The following CAMK2D variants were observed in gnomAD, a reference collection of about 807,000 sequenced individuals.
CAMK2D encodes calcium/calmodulin-dependent protein kinase type II subunit delta.
A neutral mutation model predicts 84.0 loss-of-function variants in CAMK2D; 37 were observed. The observed-to-expected ratio is 0.44, with a 90% confidence interval of 0.34 to 0.58. The LOEUF (loss-of-function observed/expected upper bound fraction) is 0.58, where lower values mean the gene tolerates loss of function less well. Among genes scored for constraint, CAMK2D ranks in the 20% least tolerant of loss-of-function variants. The pLI is 0.02. For synonymous variants in CAMK2D, 202 were observed against 212.5 expected (o/e 0.95, Z 0.43); for missense variants, 448 against 652.5 (o/e 0.69, Z 3.41).
chr4:113,560,921 G>A (rs763619305), intron 4 of CAMK2D, among the ~76,000 whole-genome samples: 21 of 152,188 alleles, frequency 1.4e-4, no homozygotes, highest in Non-Finnish European at 2.8e-4. Flanking sequence ...TAAGGGAAAA[G>A]AGAGGAGAGA....
At chr4:113,547,571 T>C in intron 6 of CAMK2D, 73 bp downstream of exon 6, 1 of 976,818 alleles carries the variant, frequency 1.0e-6, no homozygotes, top group South Asian at 1.7e-5. Context: ...TTTTTGCCTT[T>C]ACAGGCATAA....
chr4:113,499,389 T>C (rs1224044523), intron 16 of CAMK2D, among the ~76,000 whole-genome samples: 1 of 152,182 alleles, frequency 6.6e-6, no homozygotes, highest in Non-Finnish European at 1.5e-5. Context: ...GCATCAGCTG[T>C]TCTATTCAAA....
At chr4:113,661,631 T>A in intron 3 of CAMK2D, 82 bp downstream of exon 3, 3 of 621,938 alleles carry the variant, frequency 4.8e-6, no homozygotes, top group Non-Finnish European at 8.2e-6. Flanking sequence ...ATATTCTAGA[T>A]TATAAAATTA....
chr4:113,677,018 G>C (rs750955290), intron 2 of CAMK2D, among the ~76,000 whole-genome samples: 1 of 152,166 alleles, frequency 6.6e-6, no homozygotes, highest in African/African-American at 2.4e-5. Flanking sequence ...TAAAGGCGAA[G>C]AGCTAAAATT....
rs866308189 is a variant in CAMK2D at position 113,754,901 on chromosome 4, T to C, written c.160+4419A>G. The C allele has an allele frequency of 4.1e-6, 4 of 982,116 alleles. No homozygotes were observed. The African/African-American group carries it at 7.0e-5, about 17-fold the overall frequency. 60.8% of individuals were successfully genotyped at this position (982,116 alleles called of 1,614,324 possible). On this transcript the variant is annotated intron_variant, in intron 2 of 20. Transcript: ENST00000511664. ...ATTCTATGTACAAATATAAAAATGA[T>C]TTACTAATTTTTTTCTTAAAATGTT...
chr4:113,681,814 AAT>A (rs1261498291), intron 2 of CAMK2D, among the ~76,000 whole-genome samples: 2 of 152,312 alleles, frequency 1.3e-5, no homozygotes, highest in African/African-American at 4.8e-5. Context: ...CTGAAATATG[AAT>A]ATCTTATTTA....
intron 3 of CAMK2D, among the ~76,000 whole-genome samples, chr4:113,650,863 A>C (rs2099169850): frequency 6.6e-6 from 1 of 152,218 alleles, no homozygotes; most frequent in Non-Finnish European, 1.5e-5. Context: ...TCATTTTCTG[A>C]ACAGAACAAG....
At chr4:113,561,457 G>A (rs910922144) in intron 4 of CAMK2D, among the ~76,000 whole-genome samples, 1 of 152,158 alleles carries the variant, frequency 6.6e-6, no homozygotes, top group Non-Finnish European at 1.5e-5. Flanking sequence ...CTGGGAGACA[G>A]GGCTAGACCC....
At chr4:113,472,329 T>C (rs2097556995) in intron 16 of CAMK2D, among the ~76,000 whole-genome samples, 2 of 152,344 alleles carry the variant, frequency 1.3e-5, no homozygotes, top group Non-Finnish European at 2.9e-5. Context: ...TTATCATGTA[T>C]GATAGCAGTT....
intron 2 of CAMK2D, among the ~76,000 whole-genome samples, chr4:113,758,854 G>A (rs1006902869): frequency 6.6e-6 from 1 of 152,096 alleles, no homozygotes; most frequent in Non-Finnish European, 1.5e-5. Flanking sequence ...TCTTACCAAA[G>A]CTATTACTGT....
At chr4:113,753,138 G>T (rs564269471) in intron 2 of CAMK2D, among the ~76,000 whole-genome samples, 1 of 152,028 alleles carries the variant, frequency 6.6e-6, no homozygotes, top group African/African-American at 2.4e-5. Flanking sequence ...TTATACAAGA[G>T]CCTCAGTATT....
rs576830100 is a variant in CAMK2D at position 113,508,946 on chromosome 4, A to T, written c.984+692T>A. ...ATTTAGGTGGTACTCTGAAAAGATA[A>T]CAAACATCATTATGTACCATAAGAT... On this transcript the variant is annotated intron_variant, in intron 13 of 20. Transcript: ENST00000511664. 2.0e-5 allele frequency among the ~76,000 whole-genome samples: 3 copies of T among 152,360 alleles called. No homozygotes were observed. The East Asian group carries it at 5.8e-4, about 29-fold the overall frequency.
At chr4:113,472,720 T>C (rs1437230411) in intron 16 of CAMK2D, among the ~76,000 whole-genome samples, 1 of 152,248 alleles carries the variant, frequency 6.6e-6, no homozygotes, top group South Asian at 2.1e-4. Flanking sequence ...GAGTGTCATA[T>C]GTTGAAATCT....
At chr4:113,759,475 AT>A in intron 1 of CAMK2D, 61 bp from the exon 2 acceptor site, 1 of 1,027,452 alleles carries the variant, frequency 9.7e-7, no homozygotes, top group Non-Finnish European at 1.4e-6. Flanking sequence ...TTAAAAATTT[AT>A]AAAATCTGAG....
intron 15 of CAMK2D, among the ~76,000 whole-genome samples, chr4:113,502,423 ACAT>A (rs1228354154): frequency 8.7e-5 from 13 of 150,138 alleles, no homozygotes; most frequent in African/African-American, 3.2e-4. Context: ...AACAATAACA[ACAT>A]CATCACCAAC....
At chr4:113,709,066 ATG>A (rs1274721155) in intron 2 of CAMK2D, among the ~76,000 whole-genome samples, 27 of 152,070 alleles carry the variant, frequency 1.8e-4, no homozygotes, top group Admixed American at 1.8e-3. Context: ...GAACTAAACT[ATG>A]TGAAATTTTA....
chr4:113,601,412 G>A (rs772526578), intron 4 of CAMK2D, among the ~76,000 whole-genome samples: 2 of 151,740 alleles, frequency 1.3e-5, no homozygotes, highest in African/African-American at 2.4e-5. Flanking sequence ...AACACGATCC[G>A]GATATGCCCT....
intron 8 of CAMK2D, among the ~76,000 whole-genome samples, chr4:113,519,022 T>G (rs1003029058): frequency 6.6e-6 from 1 of 151,884 alleles, no homozygotes; most frequent in Non-Finnish European, 1.5e-5. Flanking sequence ...GACATAAAAA[T>G]AATTTTTCCA....
chr4:113,707,434 G>C (rs1259607034), intron 2 of CAMK2D, among the ~76,000 whole-genome samples: 1 of 152,280 alleles, frequency 6.6e-6, no homozygotes, highest in East Asian at 1.9e-4. Context: ...GTAACCAGCT[G>C]TTCTCCATCT....
Sources: allele counts gnomAD v4.1 joint callset (sites outside exome capture counted in the v4.1 genomes callset), GRCh38; gene constraint gnomAD v4.1.1; transcripts MANE v1.5; gene names NCBI Gene and HGNC (gene_info 2026-07-23, HGNC 2026-07-21).